Variants in KCNAB1 observed in about 807,000 individuals in gnomAD.
KCNAB1 encodes potassium voltage-gated channel subfamily A regulatory beta subunit 1, also known as voltage-gated potassium channel subunit beta-1.
Under a neutral mutation model 64.6 loss-of-function variants are expected in KCNAB1, and 35 were observed. The ratio of observed to expected loss-of-function variants is 0.54; its 90% CI spans 0.41 to 0.72. KCNAB1 has a LOEUF of 0.72. KCNAB1 is among the 30% of genes least tolerant of loss of function. The pLI, the probability that KCNAB1 is intolerant of heterozygous loss-of-function variation, is 0.00. For synonymous variants in KCNAB1, 177 were observed against 183.8 expected, an observed-to-expected ratio of 0.96 and a Z score of 0.30; for missense variants, 401 against 512.9, an observed-to-expected ratio of 0.78 and a Z score of 2.11.
chr3:156,137,099 G>A (rs111498569), intron 1 of KCNAB1, among the ~76,000 whole-genome samples: 1 of 151,858 alleles, frequency 6.6e-6, no homozygotes, highest in Non-Finnish European at 1.5e-5. Context: ...TGTCACAGGG[G>A]TTTGTTGTAC....
chr3:156,465,769 C>G, intron 7 of KCNAB1, 83 bp downstream of exon 7: 1 of 1,131,806 alleles, frequency 8.8e-7, no homozygotes. Flanking sequence ...TCAGAACACA[C>G]TGGAAGAGGA....
intron 1 of KCNAB1, among the ~76,000 whole-genome samples, chr3:156,295,473 G>C (rs1236346522): frequency 6.6e-6 from 1 of 152,096 alleles, no homozygotes; most frequent in African/African-American, 2.4e-5. Context: ...ATGTATACTT[G>C]TGCAAAACCT....
chr3:156,242,571 T>G (rs1226540866), intron 1 of KCNAB1, among the ~76,000 whole-genome samples: 2 of 152,170 alleles, frequency 1.3e-5, no homozygotes, highest in Non-Finnish European at 2.9e-5. Flanking sequence ...TTCTTCCACT[T>G]TATTCTTTAA....
intron 1 of KCNAB1, among the ~76,000 whole-genome samples, chr3:156,327,602 T>C (rs888612180): frequency 6.6e-6 from 1 of 152,136 alleles, no homozygotes; most frequent in African/African-American, 2.4e-5. Flanking sequence ...CTCATGGCCC[T>C]ATCATCAAGC....
chr3:156,273,643 A>G, intron 1 of KCNAB1: 1 of 455,952 alleles, frequency 2.2e-6, no homozygotes, highest in Non-Finnish European at 4.4e-6. Flanking sequence ...TACTCTCTTC[A>G]CTGCCTTTTT....
intron 1 of KCNAB1, among the ~76,000 whole-genome samples, chr3:156,416,306 A>G (rs1715072241): frequency 6.6e-6 from 1 of 152,120 alleles, no homozygotes; most frequent in Non-Finnish European, 1.5e-5. Context: ...CTGCCACCCT[A>G]TCAGACTCAT....
intron 1 of KCNAB1, among the ~76,000 whole-genome samples, chr3:156,354,047 A>ATGTGTGTGTGTGTGTGTGTG (rs368761986): frequency 6.5e-5 from 9 of 137,582 alleles, no homozygotes; most frequent in African/African-American, 2.4e-4. Flanking sequence ...GTGTATATAT[A>ATGTGTGTGTGTGTGTGTGTG]TGTGTGTGTG....
intron 1 of KCNAB1, among the ~76,000 whole-genome samples, chr3:156,233,574 A>C (rs931595527): frequency 8.5e-5 from 13 of 152,184 alleles, no homozygotes; most frequent in African/African-American, 3.1e-4. Flanking sequence ...TGAGATGAGA[A>C]GGCCTGAGTA....
At chr3:156,199,594 C>T (rs1466553456) in intron 1 of KCNAB1, among the ~76,000 whole-genome samples, 1 of 152,158 alleles carries the variant, frequency 6.6e-6, no homozygotes, top group Non-Finnish European at 1.5e-5. Flanking sequence ...ATCCTTTCTT[C>T]CACTTAATCG....
intron 2 of KCNAB1, among the ~76,000 whole-genome samples, chr3:156,424,503 AG>A (rs1715686665): frequency 1.3e-5 from 2 of 152,066 alleles, no homozygotes; most frequent in African/African-American, 4.8e-5. Flanking sequence ...CTCTGACCTT[AG>A]TTTTTTTTTA....
At chr3:156,342,290 CAGTTAGAAA>C (rs1306498084) in intron 1 of KCNAB1, among the ~76,000 whole-genome samples, 1 of 152,204 alleles carries the variant, frequency 6.6e-6, no homozygotes, top group Non-Finnish European at 1.5e-5. Context: ...TTTAGACGTT[CAGTTAGAAA>C]AGTTTATCAA....
At chr3:156,449,135 T>A (rs1006554755) in intron 2 of KCNAB1, among the ~76,000 whole-genome samples, 4 of 152,176 alleles carry the variant, frequency 2.6e-5, no homozygotes, top group African/African-American at 9.7e-5. Context: ...ATGGAATAGG[T>A]ATGTAATAAT....
chr3:156,411,325 C>T (rs1025208749), intron 1 of KCNAB1, among the ~76,000 whole-genome samples: 5 of 151,954 alleles, frequency 3.3e-5, no homozygotes, highest in African/African-American at 1.2e-4. Context: ...TCTTTTCATT[C>T]TCTTAATAGT....
intron 1 of KCNAB1, among the ~76,000 whole-genome samples, chr3:156,300,616 G>T (rs1721087916): frequency 6.6e-6 from 1 of 151,622 alleles, no homozygotes; most frequent in South Asian, 2.1e-4. Flanking sequence ...TCCTGTTTTA[G>T]AAGGAAAAAA....
At chr3:156,183,013 A>G (rs559612104) in intron 1 of KCNAB1, among the ~76,000 whole-genome samples, 1 of 152,282 alleles carries the variant, frequency 6.6e-6, no homozygotes, top group South Asian at 2.1e-4. Flanking sequence ...TTTCATTCTT[A>G]AGAAGAATTT....
intron 1 of KCNAB1, among the ~76,000 whole-genome samples, chr3:156,218,651 A>G (rs1003795385): frequency 2.6e-5 from 4 of 151,804 alleles, no homozygotes; most frequent in African/African-American, 7.3e-5. Context: ...CTTCCCTGCT[A>G]CCTCCACTGA....
chr3:156,210,907 T>C (rs765965444), intron 1 of KCNAB1, among the ~76,000 whole-genome samples: 15 of 152,218 alleles, frequency 9.9e-5, no homozygotes, highest in Non-Finnish European at 1.9e-4. Flanking sequence ...AACAAATTCG[T>C]GGGTGGGTGC....
chr3:156,527,992 A>G (rs4680277), intron 12 of KCNAB1, among the ~76,000 whole-genome samples: 131,086 of 152,168 alleles, frequency 0.86, 56,622 homozygotes, highest in Admixed American at 0.9. Context: ...CTACCATGGA[A>G]GTAACCAGCT....
At chr3:156,216,164 A>G (rs1715307268) in intron 1 of KCNAB1, among the ~76,000 whole-genome samples, 1 of 152,168 alleles carries the variant, frequency 6.6e-6, no homozygotes, top group Non-Finnish European at 1.5e-5. Flanking sequence ...AATGAAATAG[A>G]ATCTTACTTA....
Sources: gnomAD v4.1 joint callset for allele counts (sites outside exome capture counted in the v4.1 genomes callset) on GRCh38, gnomAD v4.1.1 for gene constraint, MANE v1.5 for transcripts, NCBI Gene and HGNC (gene_info 2026-07-23, HGNC 2026-07-21) for gene names.